MTFR1: variants seen among roughly 807,000 people sequenced by gnomAD.
The protein encoded by MTFR1 is mitochondrial fission regulator 1.
Under a neutral mutation model 38.8 loss-of-function variants are expected in MTFR1, and 28 were observed. The ratio of observed to expected loss-of-function variants is 0.72; its 90% CI spans 0.53 to 0.99. The LOEUF (loss-of-function observed/expected upper bound fraction) is 0.99. Among genes scored for constraint, MTFR1 ranks in the 50% least tolerant of loss-of-function variants. The probability of loss-of-function intolerance (pLI) is 0.00; values close to 1 mark genes in which losing one functional copy is unlikely to be tolerated. For synonymous variants in MTFR1, 145 were observed against 137.0 expected (o/e 1.06, Z -0.41); for missense variants, 358 against 395.5 (o/e 0.91, Z 0.81).
chr8:65,745,622 A>T (rs1375784924), intron 3 of MTFR1: 2 of 592,776 alleles, frequency 3.4e-6, no homozygotes, highest in Admixed American at 3.2e-5. Flanking sequence ...GACTTTTTCA[A>T]CTGGCTCCAA....
chr8:65,716,361 G>A (rs1257531918), intron 2 of MTFR1, among the ~76,000 whole-genome samples: 1 of 152,150 alleles, frequency 6.6e-6, no homozygotes, highest in Non-Finnish European at 1.5e-5. Flanking sequence ...CAGGCAGAAT[G>A]GAGCCCAGGT....
chr8:65,692,071 C>A (rs1022547704), intron 3 of MTFR1, among the ~76,000 whole-genome samples: 4 of 152,112 alleles, frequency 2.6e-5, no homozygotes, highest in African/African-American at 4.8e-5. Flanking sequence ...ATGCATGAGT[C>A]CCAAGGGTAA....
chr8:65,687,514 T>C (rs1334865259), intron 3 of MTFR1, among the ~76,000 whole-genome samples: 1 of 151,874 alleles, frequency 6.6e-6, no homozygotes, highest in Admixed American at 6.6e-5. Flanking sequence ...CCCGGCTAAT[T>C]TTTTGTATTT....
chr8:65,748,472 T>A lies in MTFR1; in HGVS notation c.*49-22475T>A, dbSNP rs536989954. ...GAGTCTAACATAGCCATTTTTTCCC[T>A]CTAGTGTTAGAATAAACCAGAGTTC... On this transcript the variant is annotated intron_variant, in intron 3 of 3. Coordinates refer to the MTFR1 transcript ENST00000521247. Among the ~76,000 whole-genome samples, 451 of 152,310 alleles carry A rather than the reference T, an allele frequency of 3.0e-3. 1 individual carries two copies. Among genetic ancestry groups the A allele is most frequent in the Non-Finnish European group, 4.9e-3 (330 of 68,024 alleles).
intron 2 of MTFR1, chr8:65,719,102 G>T: frequency 1.7e-6 from 1 of 595,050 alleles, no homozygotes; most frequent in Non-Finnish European, 3.0e-6. Context: ...ATTGCTGTAT[G>T]TTCGGGTCTT....
chr8:65,727,041 A>C (rs1806641153), intron 3 of MTFR1: 2 of 984,298 alleles, frequency 2.0e-6, no homozygotes, highest in Non-Finnish European at 3.2e-6. Context: ...CAATACTGTT[A>C]GCAATATTAA....
intron 3 of MTFR1, among the ~76,000 whole-genome samples, chr8:65,757,997 T>C (rs1585881574): frequency 6.6e-6 from 1 of 152,182 alleles, no homozygotes; most frequent in Non-Finnish European, 1.5e-5. Flanking sequence ...CAGTTATTAG[T>C]CCTCCTTTTC....
intron 1 of MTFR1, among the ~76,000 whole-genome samples, chr8:65,667,989 A>T (rs956204307): frequency 6.6e-6 from 1 of 151,968 alleles, no homozygotes. Flanking sequence ...AGCACTTGGC[A>T]TATTTGTGGC....
At chr8:65,690,335 G>C (rs1805234224) in intron 3 of MTFR1, among the ~76,000 whole-genome samples, 1 of 152,032 alleles carries the variant, frequency 6.6e-6, no homozygotes, top group Non-Finnish European at 1.5e-5. Context: ...AGGAATTTGA[G>C]ACCAGCCTGG....
At chr8:65,699,020 G>A (rs560505863) in intron 4 of MTFR1, among the ~76,000 whole-genome samples, 4 of 152,248 alleles carry the variant, frequency 2.6e-5, no homozygotes, top group African/African-American at 7.2e-5. Context: ...GAGCTACTGC[G>A]CCCAGCCGTT....
At chr8:65,706,887 T>TGAAA (rs1805794278) in intron 5 of MTFR1, 123 bp from the exon 6 acceptor site, 6 of 1,086,032 alleles carry the variant, frequency 5.5e-6, no homozygotes, top group Non-Finnish European at 7.8e-6. Flanking sequence ...CTTACATAAC[T>TGAAA]GAAACGTTAA....
At position 65,662,477 on chromosome 8, in the gene MTFR1, GC is replaced by G. The variant is rs546712162; in HGVS notation, c.-80-7390del. On this transcript the variant is annotated intron_variant, in intron 1 of 7. Transcript: ENST00000262146. ...CTCCACCTCCCAGCTGCCTGCCTTG[GC>G]CCCCCAAAGTGCGGAGATTGCAGCC... 2.7e-3 allele frequency among the ~76,000 whole-genome samples: 407 copies of G among 150,330 alleles called. 2 individuals are homozygous for G. Among genetic ancestry groups the G allele is most frequent in the African/African-American group, 9.3e-3 (382 of 41,100 alleles).
intron 2 of MTFR1, among the ~76,000 whole-genome samples, chr8:65,675,370 T>G (rs958125648): frequency 2.0e-5 from 3 of 151,300 alleles, no homozygotes. Flanking sequence ...CCGAGGCGGG[T>G]GGATCACGAG....
At chr8:65,688,461 T>C (rs528597308) in intron 3 of MTFR1, among the ~76,000 whole-genome samples, 5 of 148,578 alleles carry the variant, frequency 3.4e-5, no homozygotes, top group African/African-American at 9.8e-5. Context: ...CTTTTTTTTT[T>C]TTTTTGAGAC....
At chr8:65,739,733 ATCT>A (rs1330518603) in intron 3 of MTFR1, 4 of 933,818 alleles carry the variant, frequency 4.3e-6, no homozygotes, top group Non-Finnish European at 5.6e-6. Flanking sequence ...AAAAATATGC[ATCT>A]TCTTACCAGT....
intron 3 of MTFR1, among the ~76,000 whole-genome samples, chr8:65,683,174 C>T (rs1463759907): frequency 6.8e-6 from 1 of 147,334 alleles, no homozygotes; most frequent in Non-Finnish European, 1.5e-5. Context: ...TGCCTGTTGC[C>T]AGGCTGGAGT....
intron 3 of MTFR1, among the ~76,000 whole-genome samples, chr8:65,755,143 C>T (rs1191771671): frequency 2.7e-5 from 4 of 150,786 alleles, no homozygotes; most frequent in Admixed American, 6.6e-5. Flanking sequence ...GCCTCAGCCT[C>T]CCAAGTAGCT....
chr8:65,693,503 T>C (rs754546750), intron 3 of MTFR1, 141 bp from the exon 4 acceptor site: 15 of 635,198 alleles, frequency 2.4e-5, no homozygotes, highest in Middle Eastern at 2.8e-4. Flanking sequence ...CTATTAATCA[T>C]GGAGACCTTC....
rs1196974809 is a variant in MTFR1 at position 65,682,439 on chromosome 8, A to G, written c.153A>G (p.Arg51=). Residue 51 remains arginine, a synonymous_variant, in exon 3 of 8, where the codon AGA becomes AGG. Coordinates refer to ENST00000262146, the MANE Select transcript of MTFR1 (RefSeq NM_014637.4). ...GTNLSLIQCP[R]VQFQINSHAT... The stretch of plus-strand genomic sequence containing the variant: ...ATTTGTCTCTGATTCAGTGTCCAAG[A>G]GTTCAGTTTCAGGTATTATATTTTA... 2.0e-6 allele frequency: 3 copies of G among 1,518,648 alleles called. No homozygotes were observed. In the Admixed American group the frequency reaches 5.7e-5, roughly 29 times the overall value. 94.1% of individuals were successfully genotyped at this position (1,518,648 alleles called of 1,614,324 possible).
Sources: gnomAD v4.1 joint callset for allele counts (sites outside exome capture counted in the v4.1 genomes callset) on GRCh38, gnomAD v4.1.1 for gene constraint, MANE v1.5 for transcripts, NCBI Gene and HGNC (gene_info 2026-07-23, HGNC 2026-07-21) for gene names.